The following ANK2 variants were observed in gnomAD, a reference collection of about 807,000 sequenced individuals.
ANK2 encodes the protein ankyrin-2.
Under a neutral mutation model 360.5 loss-of-function variants are expected in ANK2, and 83 were observed. The ratio of observed to expected loss-of-function variants is 0.23; its 90% confidence interval spans 0.19 to 0.28. ANK2 has a LOEUF of 0.28. Ranked by LOEUF, ANK2 falls within the 10% of genes least tolerant of loss-of-function variation. The pLI, the probability that ANK2 is intolerant of heterozygous loss-of-function variation, is 1.00. For missense variants in ANK2, 4,201 were observed against 4,795.7 expected (o/e 0.88, Z 3.66); for synonymous variants, 1,740 against 1,759.5 (o/e 0.99, Z 0.28).
At chr4:112,794,773 G>A in the ANK2 span, among the ~76,000 whole-genome samples, 5 of 152,176 alleles carry the variant, frequency 3.3e-5, no homozygotes, top group South Asian at 6.2e-4. Flanking sequence ...CTTGCTGCCA[G>A]GAGTCTCATT....
chr4:113,164,638 A>G (rs1417872273), intron 1 of ANK2, among the ~76,000 whole-genome samples: 1 of 152,212 alleles, frequency 6.6e-6, no homozygotes, highest in Non-Finnish European at 1.5e-5. Flanking sequence ...CAAGGGGGCA[A>G]GAGTAAATTA....
the ANK2 span, among the ~76,000 whole-genome samples, chr4:112,777,340 G>A: frequency 1.3e-5 from 2 of 151,074 alleles, no homozygotes; most frequent in Non-Finnish European, 2.9e-5. Flanking sequence ...CTGGATTCAC[G>A]CCATTCTCCT....
At chr4:112,965,118 A>G (rs1399022927) in intron 2 of ANK2, among the ~76,000 whole-genome samples, 1 of 152,164 alleles carries the variant, frequency 6.6e-6, no homozygotes, top group African/African-American at 2.4e-5. Context: ...ATTTTTGTCA[A>G]TAGTATATTA....
the ANK2 span, chr4:112,739,019 C>T: frequency 1.6e-6 from 1 of 618,170 alleles, no homozygotes; most frequent in Non-Finnish European, 3.0e-6. Flanking sequence ...AAACCAAGAA[C>T]CGCAAAGCCA....
intron 1 of ANK2, among the ~76,000 whole-genome samples, chr4:113,150,126 C>G (rs1384131529): frequency 6.6e-6 from 1 of 152,032 alleles, no homozygotes; most frequent in Non-Finnish European, 1.5e-5. Flanking sequence ...TAATACTTAG[C>G]TGATATGGTG....
In ANK2 at chr4:113,317,728, C is replaced by G. The variant is rs2153836362; in HGVS notation, c.2715C>G (p.Asp905Glu). The G allele has an allele frequency of 6.2e-7, 1 of 1,614,086 alleles. No individual in the cohort carries two copies. The highest frequency in any genetic ancestry group is 8.5e-7 in the Non-Finnish European group (1 of 1,179,982). ...CCAGCCTTCGATCCTTCAGTTCCGA[C>G]AGGTCTCACACTCTGAGCCATGCCT... ...RSDSLRSFSS[D>E]RSHTLSHASY... Residue 905 changes from aspartate to glutamate, a missense_variant, in exon 25 of 46, where the codon GAC becomes GAG. Around this residue, in one of 4 missense-constraint regions of ANK2, gnomAD observed 1,268 missense variants for 1,650.8 expected, o/e 0.77. Coordinates refer to ENST00000357077, the MANE Select transcript of ANK2 (RefSeq NM_001148.6).
chr4:113,152,315 G>A (rs1237019701), intron 1 of ANK2: 3 of 152,008 alleles, frequency 2.0e-5, no homozygotes, highest in Non-Finnish European at 4.4e-5. Context: ...AATACTCTGG[G>A]GAGAGAGTCC....
At chr4:113,277,298 G>A (rs1397881247) in intron 15 of ANK2, among the ~76,000 whole-genome samples, 1 of 152,174 alleles carries the variant, frequency 6.6e-6, no homozygotes, top group South Asian at 2.1e-4. Flanking sequence ...CTTTTTAATA[G>A]TACATGTTTT....
At chr4:113,151,526 G>A (rs551974302) in intron 1 of ANK2, among the ~76,000 whole-genome samples, 1 of 152,128 alleles carries the variant, frequency 6.6e-6, no homozygotes, top group South Asian at 2.1e-4. Flanking sequence ...CTTATCACCA[G>A]AATGGCACTA....
chr4:112,743,094 C>A, the ANK2 span, among the ~76,000 whole-genome samples: 1 of 152,170 alleles, frequency 6.6e-6, no homozygotes, highest in Non-Finnish European at 1.5e-5. Flanking sequence ...TATATTAGCT[C>A]AATACAGTGT....
chr4:113,311,334 C>G lies in ANK2; in HGVS notation c.2628C>G (p.Pro876=). The G allele has an allele frequency of 6.2e-7, 1 of 1,614,076 alleles. No individual in the cohort carries two copies. The highest frequency in any genetic ancestry group is 1.7e-5 in the Admixed American group (1 of 60,016). The change falls in exon 24 of 46, where the codon CCC becomes CCG. Residue 876 remains proline, a synonymous_variant. Transcript: ENST00000357077. ...DLKELGDDSL[P]SSQFLDGMNY... is the part of the protein sequence containing the mutation. Reference sequence around the variant, plus strand: ...AAGAACTGGGTGATGACTCACTACCCAGCAGTCAGTTCCTGGATGGTATGA... The same window carrying G: ...AAGAACTGGGTGATGACTCACTACCGAGCAGTCAGTTCCTGGATGGTATGA...
At position 112,991,622 on chromosome 4, in the gene ANK2, T is replaced by TC. The variant is rs200501713; in HGVS notation, c.21+87108_21+87109insC. Reference sequence around the variant, plus strand: ...TTTTCTTTTCTTTTCTTTCTTTCTTTTTTTTTTTTTTTTGCAATATGGATA... The same window carrying TC: ...TTTTCTTTTCTTTTCTTTCTTTCTTTCTTTTTTTTTTTTTGCAATATGGATA... On this transcript the variant is annotated intron_variant, in intron 2 of 30. Coordinates refer to the ANK2 transcript ENST00000503271. 6.4e-3 allele frequency among the ~76,000 whole-genome samples: 953 copies of TC among 148,912 alleles called. 6 individuals carry two copies. The highest frequency in any genetic ancestry group is 0.014 in the Middle Eastern group (4 of 290).
In ANK2 at chr4:112,977,982, G is replaced by T. The variant is rs138505999; in HGVS notation, c.21+73468G>T. Among the ~76,000 whole-genome samples the T allele has an allele frequency of 7.8e-3, 1,191 of 152,212 alleles. 17 individuals are homozygous for T. The highest frequency in any genetic ancestry group is 0.027 in the African/African-American group (1,107 of 41,530). On this transcript the variant is annotated intron_variant, in intron 2 of 30. Coordinates refer to the ANK2 transcript ENST00000503271. ...TTCTGGGCTGGGTGTGGTGGCTCAC[G>T]CCTGTAATCCCAGCACTTTGGGTGG...
chr4:113,123,669 T>A (rs1237894955), intron 1 of ANK2, among the ~76,000 whole-genome samples: 1 of 152,134 alleles, frequency 6.6e-6, no homozygotes, highest in African/African-American at 2.4e-5. Flanking sequence ...TCTGGTTCTA[T>A]CCCATTCATA....
At chr4:113,197,994 C>T (rs1584624245) in intron 3 of ANK2, among the ~76,000 whole-genome samples, 1 of 152,110 alleles carries the variant, frequency 6.6e-6, no homozygotes, top group African/African-American at 2.4e-5. Context: ...TACAACCCCA[C>T]CATCTATTAT....
chr4:112,747,904 G>A, the ANK2 span, among the ~76,000 whole-genome samples: 1 of 152,034 alleles, frequency 6.6e-6, no homozygotes, highest in African/African-American at 2.4e-5. Flanking sequence ...AGCAAAATGG[G>A]TTTATAGTTT....
Position 113,133,952 on chromosome 4 carries a change from G to GGTTA in ANK2, c.85-40463_85-40462insTTAG, listed in dbSNP as rs1450464141. The stretch of plus-strand genomic sequence containing the variant: ...CACAAAAATATTTCTAACCTTTCAA[G>GGTTA]GAACAGACAAACAAAATAGCAGGGG... On this transcript the variant is annotated intron_variant, in intron 1 of 45. Coordinates refer to ENST00000357077, the MANE Select transcript of ANK2 (RefSeq NM_001148.6). 4.4e-3 allele frequency among the ~76,000 whole-genome samples: 673 copies of GGTTA among 152,174 alleles called. 8 individuals are homozygous for GGTTA. The highest frequency in any genetic ancestry group is 0.015 in the African/African-American group (640 of 41,536).
the ANK2 span, among the ~76,000 whole-genome samples, chr4:112,796,872 T>A: frequency 1.3e-5 from 2 of 152,182 alleles, no homozygotes; most frequent in African/African-American, 4.8e-5. Flanking sequence ...TATATCCAAC[T>A]CTTTAAGTAG....
intron 45 of ANK2, among the ~76,000 whole-genome samples, chr4:113,379,439 T>A: frequency 6.6e-6 from 1 of 152,206 alleles, no homozygotes; most frequent in East Asian, 1.9e-4. Context: ...TATACATTGT[T>A]AAAGATATCA....
Sources: gnomAD v4.1 joint callset for allele counts (sites outside exome capture counted in the v4.1 genomes callset) on GRCh38, gnomAD v4.1.1 for gene constraint, gnomAD v4.1.1 regional missense constraint, MANE v1.5 for transcripts, NCBI Gene and HGNC (gene_info 2026-07-23, HGNC 2026-07-21) for gene names.